SLC27A1: variants seen among roughly 807,000 people sequenced by gnomAD.
SLC27A1 encodes solute carrier family 27 member 1.
SLC27A1 carries 61 observed loss-of-function variants against 62.2 expected under a neutral mutation model. That is an observed-to-expected ratio of 0.98 (90% CI 0.80 to 1.21). The LOEUF (loss-of-function observed/expected upper bound fraction) is 1.21. Ranked by LOEUF, SLC27A1 falls within the 50% of genes most tolerant of loss-of-function variation. The pLI is 0.00. For synonymous variants in SLC27A1, 435 were observed against 408.6 expected (o/e 1.06, Z -0.78); for missense variants, 903 against 932.1 (o/e 0.97, Z 0.41).
chr19:17,478,664 C>T (rs1291154298), intron 1 of SLC27A1, among the ~76,000 whole-genome samples: 1 of 150,424 alleles, frequency 6.6e-6, no homozygotes, highest in African/African-American at 2.5e-5. Flanking sequence ...TTGAGACCAG[C>T]CTGGGCAACA....
intron 6 of SLC27A1, chr19:17,496,967 G>A: frequency 2.9e-6 from 1 of 343,154 alleles, no homozygotes; most frequent in South Asian, 4.7e-5. Context: ...AGGCTGCAGT[G>A]AGCTGTGATC....
At chr19:17,478,466 CAAAAAA>C (rs869214050) in intron 1 of SLC27A1, among the ~76,000 whole-genome samples, 4 of 48,406 alleles carry the variant, frequency 8.3e-5, no homozygotes, top group Non-Finnish European at 1.6e-4. Flanking sequence ...GACTCCGTCT[CAAAAAA>C]AAAAAAAAAA....
rs1173221959 is a variant in SLC27A1, at chr19:17,505,709, G to A, written c.*1097G>A. The A allele has an allele frequency of 1.3e-5, 2 of 152,764 alleles. No individual in the cohort carries two copies. The highest frequency in any genetic ancestry group is 4.8e-5 in the African/African-American group (2 of 41,446). The allele number at this position is 152,764 out of a possible 1,614,324, so 9.5% of individuals were successfully genotyped here. A position where few individuals can be genotyped will look rare whatever the true frequency, so the allele number is the denominator to read the frequency against. On this transcript the variant is annotated 3_prime_UTR_variant, in exon 12 of 12. Transcript: ENST00000252595. ...GTGGCTGCCCAGCCAGCTGCCTCCT[G>A]TCCTGGGAGGAGGCCTCCTGGGTGT...
intron 1 of SLC27A1, among the ~76,000 whole-genome samples, chr19:17,474,927 G>T (rs1415369110): frequency 6.8e-6 from 1 of 147,522 alleles, no homozygotes. Context: ...ACTGCGCCCT[G>T]TTTTTTTTTT....
chr19:17,482,235 C>T (rs116721971), intron 1 of SLC27A1, among the ~76,000 whole-genome samples: 2,765 of 152,228 alleles, frequency 0.018, 81 homozygotes, highest in African/African-American at 0.064. Flanking sequence ...ACTAGAAGTG[C>T]CCGCCGGGCG....
At chr19:17,478,987 C>T (rs1013074092) in intron 1 of SLC27A1, among the ~76,000 whole-genome samples, 18 of 152,030 alleles carry the variant, frequency 1.2e-4, no homozygotes, top group African/African-American at 4.3e-4. Context: ...ATGGCAGCTA[C>T]TCAGGAGGCT....
Position 17,488,832 on chromosome 19 carries a change from C to G in SLC27A1, c.795-16C>G. 1 of 1,611,034 alleles carries G rather than the reference C, an allele frequency of 6.2e-7. No homozygotes were observed. The highest frequency in any genetic ancestry group is 8.5e-7 in the Non-Finnish European group (1 of 1,178,556). ...GGTCCCAGCCTCTGCCCTCCCGGCT[C>G]CCCCTCCCCCTGCAGGTACTACCGC... is the stretch of plus-strand genomic sequence containing the variant. On this transcript the variant is annotated splice_polypyrimidine_tract_variant and intron_variant, in intron 4 of 11. Transcript: ENST00000252595.
chr19:17,502,811 G>T (rs189901971), intron 11 of SLC27A1, among the ~76,000 whole-genome samples: 17 of 151,788 alleles, frequency 1.1e-4, no homozygotes, highest in Admixed American at 3.9e-4. Context: ...TCAGCCTCTG[G>T]AGTAGCTAGG....
At chr19:17,485,246 T>C (rs1048101100) in intron 1 of SLC27A1, among the ~76,000 whole-genome samples, 2 of 144,800 alleles carry the variant, frequency 1.4e-5, no homozygotes, top group African/African-American at 2.5e-5. Context: ...CTGGAGTGAA[T>C]TTGCGTGATC....
At chr19:17,494,020 CTTT>C (rs35491603) in intron 6 of SLC27A1, among the ~76,000 whole-genome samples, 5 of 135,760 alleles carry the variant, frequency 3.7e-5, no homozygotes, top group Non-Finnish European at 3.2e-5. Context: ...GTAGCTGTTT[CTTT>C]TTTTTTTTTT....
At chr19:17,479,978 T>C (rs933911800) in intron 1 of SLC27A1, among the ~76,000 whole-genome samples, 1 of 152,110 alleles carries the variant, frequency 6.6e-6, no homozygotes, top group Admixed American at 6.6e-5. Flanking sequence ...TGAATAGCAC[T>C]GTCATTTCCC....
Position 17,486,808 on chromosome 19 carries a change from G to A in SLC27A1, c.413G>A (p.Arg138Gln), listed in dbSNP as rs763939834. 2 of 1,596,986 alleles carry A rather than the reference G, an allele frequency of 1.3e-6. No homozygotes were observed. Among genetic ancestry groups the A allele is most frequent in the East Asian group, 2.3e-5 (1 of 44,416 alleles). ...GTGGTGGCCATCTTCCTGGAGGGCC[G>A]GCCGGAGTTCGTGGGGCTGTGGCTG... is the stretch of plus-strand genomic sequence containing the variant. ...GDVVAIFLEG[R>Q]PEFVGLWLGL... Residue 138 changes from arginine to glutamine, a missense_variant, in exon 2 of 12, where the codon CGG (arginine) becomes CAG (glutamine). Coordinates refer to ENST00000252595, the MANE Select transcript of SLC27A1 (RefSeq NM_198580.3). This position sits in a 1 kb window ranked among gnomAD's most constrained non-coding sequence, Gnocchi z 6.6.
intron 11 of SLC27A1, 104 bp downstream of exon 11, chr19:17,501,523 GC>G (rs1283912314): frequency 1.4e-6 from 2 of 1,478,298 alleles, no homozygotes; most frequent in African/African-American, 2.8e-5. Context: ...CCTGGCCGGG[GC>G]CAGGCACGGT....
chr19:17,500,937 G>A (rs2075405637), intron 10 of SLC27A1, 61 bp downstream of exon 10: 2 of 1,495,278 alleles, frequency 1.3e-6, no homozygotes, highest in Admixed American at 5.0e-5. Context: ...CAGCCAAAAG[G>A]GGCTTAGAAG....
upstream of SLC27A1, chr19:17,470,479 G>T (rs2075062675): frequency 1.4e-6 from 2 of 1,437,148 alleles, no homozygotes; most frequent in African/African-American, 1.5e-5. Flanking sequence ...GTCGTGGGGC[G>T]GAGCGGGTCG....
intron 6 of SLC27A1, among the ~76,000 whole-genome samples, chr19:17,493,246 C>T (rs2075313134): frequency 6.7e-6 from 1 of 150,094 alleles, no homozygotes; most frequent in Admixed American, 6.7e-5. Flanking sequence ...CCAGCCTGGC[C>T]AACATGGTGA....
intron 11 of SLC27A1, among the ~76,000 whole-genome samples, chr19:17,504,120 G>A (rs1169665444): frequency 6.6e-6 from 1 of 152,030 alleles, no homozygotes; most frequent in Non-Finnish European, 1.5e-5. Flanking sequence ...AACAGGTGGA[G>A]GGCCAAATTT....
upstream of SLC27A1, among the ~76,000 whole-genome samples, chr19:17,469,389 C>T (rs536111738): frequency 6.6e-6 from 1 of 152,072 alleles, no homozygotes; most frequent in South Asian, 2.1e-4. Flanking sequence ...GAATACAGCC[C>T]GCGCGGGCCG....
Position 17,502,068 on chromosome 19 carries a change from A to G in SLC27A1, c.1783+649A>G, listed in dbSNP as rs558671831. Among the ~76,000 whole-genome samples the G allele has an allele frequency of 3.1e-4, 47 of 152,004 alleles. 1 individual carries two copies. The highest frequency in any genetic ancestry group is 1.1e-3 in the African/African-American group (46 of 41,504). ...GAGGCAGAGGTTGCAGTGAGCCGAG[A>G]TCAGGCCACTGCACTCCAGCCTGGG... On this transcript the variant is annotated intron_variant, in intron 11 of 11. Coordinates refer to ENST00000252595, the MANE Select transcript of SLC27A1 (RefSeq NM_198580.3).
Sources: gnomAD v4.1 joint callset for allele counts (sites outside exome capture counted in the v4.1 genomes callset) on GRCh38, gnomAD v4.1.1 for gene constraint, Gnocchi (gnomAD v3.1) non-coding constraint, MANE v1.5 for transcripts, NCBI Gene and HGNC (gene_info 2026-07-23, HGNC 2026-07-21) for gene names.